The following PLD3 variants were observed in gnomAD, a reference collection of about 807,000 sequenced individuals.
PLD3 encodes the protein phospholipase D family member 3.
PLD3 carries 31 observed loss-of-function variants against 58.4 expected under a neutral mutation model. The observed-to-expected ratio is 0.53, with a 90% confidence interval of 0.40 to 0.72. PLD3 has a LOEUF of 0.72. Ranked by LOEUF, PLD3 falls within the 30% of genes least tolerant of loss-of-function variation. The pLI is 0.00. For missense variants in PLD3, 595 were observed against 659.8 expected (o/e 0.90, Z 1.08); for synonymous variants, 264 against 273.4 (o/e 0.97, Z 0.34).
chr19:40,378,150 G>A lies in PLD3; in HGVS notation c.1450G>A (p.Gly484Ser), dbSNP rs752516689. 1 of 1,611,294 alleles carries A rather than the reference G, an allele frequency of 6.2e-7. No individual in the cohort carries two copies. The highest frequency in any genetic ancestry group is 2.2e-5 in the East Asian group (1 of 44,880). ...HDLDTSADSV[G>S]NACRLL The stretch of plus-strand genomic sequence containing the variant: ...CCTTGACACCTCAGCTGACAGCGTG[G>A]GCAACGCCTGCCGCCTGCTCTGAGG... Residue 484 changes from glycine to serine, a missense_variant, in exon 13 of 13, where the codon GGC (glycine) becomes AGC (serine). Coordinates refer to ENST00000409735, the MANE Select transcript of PLD3 (RefSeq NM_012268.4).
At chr19:40,371,631 C>T (rs1184791563) in intron 8 of PLD3, 42 bp from the exon 9 acceptor site, 1 of 1,395,258 alleles carries the variant, frequency 7.2e-7, no homozygotes, top group South Asian at 1.2e-5. Context: ...CATCTGTGAG[C>T]ACTAGGCCGC....
At chr19:40,355,135 G>T (rs1441682760) in intron 1 of PLD3, among the ~76,000 whole-genome samples, 2 of 151,982 alleles carry the variant, frequency 1.3e-5, no homozygotes, top group East Asian at 3.9e-4. Flanking sequence ...CACCATGCCC[G>T]ACCCTGTTGT....
intron 9 of PLD3, among the ~76,000 whole-genome samples, chr19:40,372,597 C>A (rs999604357): frequency 5.9e-5 from 9 of 151,798 alleles, no homozygotes; most frequent in African/African-American, 2.2e-4. Flanking sequence ...AGTTCATGAC[C>A]AGCCTGGGCA....
Position 40,378,321 on chromosome 19 carries a change from AC to A in PLD3, c.*153del. On this transcript the variant is annotated 3_prime_UTR_variant, in exon 13 of 13. Transcript: ENST00000409735. ...CCCCTGCTCTCCCACCTCTACCTCC[AC>A]CCCCACCGGCCTGACGCTGTGGCCC... The A allele has an allele frequency of 1.3e-6, 1 of 770,156 alleles. No homozygotes were observed. The highest frequency in any genetic ancestry group is 2.2e-6 in the Non-Finnish European group (1 of 445,428). 47.7% of individuals were successfully genotyped at this position (770,156 alleles called of 1,614,324 possible).
chr19:40,367,525 G>A, intron 5 of PLD3, 171 bp from the exon 6 acceptor site: 1 of 565,882 alleles, frequency 1.8e-6, no homozygotes, highest in Non-Finnish European at 3.1e-6. Context: ...AGGCTGCAGT[G>A]AGCTGAGATG....
At chr19:40,369,850 C>T (rs748148647) in intron 6 of PLD3, 58 bp from the exon 7 acceptor site, 3 of 1,486,430 alleles carry the variant, frequency 2.0e-6, no homozygotes, top group Non-Finnish European at 2.7e-6. Context: ...CGGGCATTAC[C>T]TTGTGGGGTT....
Position 40,374,495 on chromosome 19 carries a change from C to A in PLD3, c.894C>A (p.Pro298=), listed in dbSNP as rs772203235. ...CTCGCCCTCAGAGTGCGCCCCCACCCCTGTGTCCAAGTGGCCGCACTCCAG... is the reference window on the plus strand; with the variant it reads ...CTCGCCCTCAGAGTGCGCCCCCACCACTGTGTCCAAGTGGCCGCACTCCAG... ...ALAYLASAPP[P]LCPSGRTPDL... The change falls in exon 10 of 13, where the codon CCC becomes CCA. Residue 298 remains proline (P), a synonymous_variant. Coordinates refer to ENST00000409735, the MANE Select transcript of PLD3 (RefSeq NM_012268.4). The A allele has an allele frequency of 8.1e-6, 13 of 1,613,980 alleles. No individual in the cohort carries two copies. Among genetic ancestry groups the A allele is most frequent in the Non-Finnish European group, 8.5e-6 (10 of 1,180,026 alleles).
chr19:40,371,687 C>T lies in PLD3; in HGVS notation c.693C>T (p.Gly231=), dbSNP rs1301887491. 8 of 1,612,860 alleles carry T rather than the reference C, an allele frequency of 5.0e-6. No homozygotes were observed. The highest frequency in any genetic ancestry group is 5.1e-6 in the Non-Finnish European group (6 of 1,179,332). Residue 231 remains glycine (G), a synonymous_variant, in exon 9 of 13, where the codon GGC becomes GGT. Coordinates refer to ENST00000409735, the MANE Select transcript of PLD3 (RefSeq NM_012268.4). Reference sequence around the variant, plus strand: ...CCCTCCTACAGGTCAAGGAGCTGGGCGTGGTCATGTACAACTGCAGCTGCC... The same window carrying T: ...CCCTCCTACAGGTCAAGGAGCTGGGTGTGGTCATGTACAACTGCAGCTGCC... ...WRSLTQVKEL[G]VVMYNCSCLA...
rs1010613253 is a variant in PLD3, at chr19:40,371,378, G to A, written c.679-295G>A. 20 of 362,376 alleles carry A rather than the reference G, an allele frequency of 5.5e-5. No homozygotes were observed. In the South Asian group the frequency reaches 5.8e-4, roughly 10 times the overall value. The allele number at this position is 362,376 out of a possible 1,614,324, so 22.4% of individuals were successfully genotyped here. A position where few individuals can be genotyped will look rare whatever the true frequency, so the allele number is the denominator to read the frequency against. On this transcript the variant is annotated intron_variant, in intron 8 of 12. Transcript: ENST00000409735. ...TGCCTGGTGCAGGCTGGGTAGTCATGGGAGGCTTCCTGAAGGAGGCAACAT... is the reference window on the plus strand; with the variant it reads ...TGCCTGGTGCAGGCTGGGTAGTCATAGGAGGCTTCCTGAAGGAGGCAACAT...
chr19:40,373,589 AGG>A (rs1175837178), intron 9 of PLD3, among the ~76,000 whole-genome samples: 1 of 118,048 alleles, frequency 8.5e-6, no homozygotes, highest in African/African-American at 3.3e-5. Context: ...AAAAAAAAAA[AGG>A]GGGGGAAGCG....
chr19:40,359,546 G>A (rs1048961058), intron 1 of PLD3: 1 of 152,350 alleles, frequency 6.6e-6, no homozygotes, highest in Non-Finnish European at 1.5e-5. Context: ...ACAAGGATCT[G>A]AGCAGGGAGG....
intron 1 of PLD3, chr19:40,358,168 C>G (rs1464468802): frequency 6.6e-6 from 1 of 152,632 alleles, no homozygotes; most frequent in Non-Finnish European, 1.5e-5. Flanking sequence ...CTCACTGCAG[C>G]CTTGACCTCC....
At chr19:40,368,508 T>C (rs1369355642) in intron 6 of PLD3, among the ~76,000 whole-genome samples, 1 of 152,176 alleles carries the variant, frequency 6.6e-6, no homozygotes, top group Admixed American at 6.5e-5. Flanking sequence ...TGAAAAACCA[T>C]GAATTTGTTC....
In PLD3 at chr19:40,375,953, T is replaced by C. The variant is rs1414959804; in HGVS notation, c.1020-656T>C. ...CTGCAGTCCCAGCTACTCAGGAGAC[T>C]GAGGCAGGAGGATCACTTGAGCCCA... is the stretch of plus-strand genomic sequence containing the variant. On this transcript the variant is annotated intron_variant, in intron 10 of 12. Transcript: ENST00000409735. 2.0e-5 allele frequency among the ~76,000 whole-genome samples: 3 copies of C among 152,174 alleles called. No individual in the cohort carries two copies. In the East Asian group the frequency reaches 5.8e-4, roughly 29 times the overall value.
intron 1 of PLD3, among the ~76,000 whole-genome samples, chr19:40,364,518 G>C (rs973497980): frequency 6.7e-6 from 1 of 149,022 alleles, no homozygotes; most frequent in African/African-American, 2.5e-5. Context: ...GCGGCTGGGC[G>C]CGGTGGCTCA....
At chr19:40,373,298 C>A (rs1415823588) in intron 9 of PLD3, among the ~76,000 whole-genome samples, 1 of 152,112 alleles carries the variant, frequency 6.6e-6, no homozygotes, top group African/African-American at 2.4e-5. Flanking sequence ...GATGGGGGGC[C>A]AGGCACAGTG....
intron 8 of PLD3, chr19:40,371,377 T>C (rs4803329): frequency 0.87 from 312,183 of 357,312 alleles, 136,593 homozygotes; most frequent in East Asian, 0.95. Flanking sequence ...TGGGTAGTCA[T>C]GGGAGGCTTC....
At chr19:40,364,023 C>T (rs1252570636) in intron 1 of PLD3, among the ~76,000 whole-genome samples, 2 of 152,076 alleles carry the variant, frequency 1.3e-5, no homozygotes, top group African/African-American at 4.8e-5. Context: ...GAGATATTTT[C>T]TATACTTCTC....
chr19:40,356,646 G>T (rs941079880), intron 1 of PLD3: 7 of 152,684 alleles, frequency 4.6e-5, no homozygotes, highest in African/African-American at 1.7e-4. Flanking sequence ...GGTAAGGACA[G>T]TTGGGGACAT....
Sources: gnomAD v4.1 joint callset for allele counts (sites outside exome capture counted in the v4.1 genomes callset) on GRCh38, gnomAD v4.1.1 for gene constraint, MANE v1.5 for transcripts, NCBI Gene and HGNC (gene_info 2026-07-23, HGNC 2026-07-21) for gene names.